The following SLC26A4 variants were observed in gnomAD, a reference collection of about 807,000 sequenced individuals.
SLC26A4 encodes the protein solute carrier family 26 member 4, also known as pendrin.
Under a neutral mutation model 90.4 loss-of-function variants are expected in SLC26A4, and 93 were observed. The ratio of observed to expected loss-of-function variants is 1.03; its 90% CI spans 0.87 to 1.22. The LOEUF (loss-of-function observed/expected upper bound fraction) is 1.22, where lower values mean the gene tolerates loss of function less well. Among genes scored for constraint, SLC26A4 ranks in the 50% most tolerant of loss-of-function variants. The pLI, the probability that SLC26A4 is intolerant of heterozygous loss-of-function variation, is 0.00. For synonymous variants in SLC26A4, 393 were observed against 354.6 expected (o/e 1.11, Z -1.22); for missense variants, 1,127 against 946.2 (o/e 1.19, Z -2.51).
rs1222179252 is a variant in SLC26A4, at chr7:107,661,761, G to A, written c.120G>A (p.Leu40=). 3 of 1,543,922 alleles carry A rather than the reference G, an allele frequency of 1.9e-6. No individual in the cohort carries two copies. The highest frequency in any genetic ancestry group is 2.6e-6 in the Non-Finnish European group (3 of 1,148,480). The stretch of plus-strand genomic sequence containing the variant: ...TCCAGCAACAGCACGAGCGGCGCCT[G>A]CAGGAGCGCAAGACGCTGCGGGAGA... ...LAFQQQHERR[L]QERKTLRESL... Residue 40 remains leucine (L), a synonymous_variant, in exon 2 of 21, where the codon CTG becomes CTA. Coordinates refer to ENST00000644269, the MANE Select transcript of SLC26A4 (RefSeq NM_000441.2). This position sits in a 1 kb window ranked among gnomAD's most constrained non-coding sequence, Gnocchi z 5.1.
At chr7:107,691,843 A>G (rs2129316366) in intron 10 of SLC26A4, 1 of 1,153,052 alleles carries the variant, frequency 8.7e-7, no homozygotes, top group Non-Finnish European at 1.1e-6. Context: ...ATCCGGAGGC[A>G]TAGCCAGAGA....
chr7:107,680,150 T>C (rs1791173494), intron 6 of SLC26A4, among the ~76,000 whole-genome samples: 2 of 124,360 alleles, frequency 1.6e-5, no homozygotes, highest in South Asian at 4.7e-4. Context: ...TAATCTTATC[T>C]TATTATATAA....
chr7:107,702,681 T>C (rs1791929220), intron 17 of SLC26A4, among the ~76,000 whole-genome samples: 1 of 100,898 alleles, frequency 9.9e-6, no homozygotes, highest in Non-Finnish European at 1.9e-5. Context: ...TGAGACTTCA[T>C]CTCAAAAAAA....
In SLC26A4 at chr7:107,701,145, G is replaced by T. The variant is rs771015634; in HGVS notation, c.1752G>T (p.Ala584=). The change falls in exon 16 of 21, where the codon GCG becomes GCT. Residue 584 remains alanine, a synonymous_variant. Transcript: ENST00000644269. ...AIRVYNKRLK[A]LRKIQKLIKS... Reference sequence around the variant, plus strand: ...GAGTATATAATAAGAGGCTGAAAGCGCTGAGGAAAATACAGAAACTAATAA... The same window carrying T: ...GAGTATATAATAAGAGGCTGAAAGCTCTGAGGAAAATACAGAAACTAATAA... The T allele has an allele frequency of 2.5e-6, 4 of 1,611,486 alleles. No individual in the cohort carries two copies. Among genetic ancestry groups the T allele is most frequent in the Non-Finnish European group, 3.4e-6 (4 of 1,177,716 alleles).
Position 107,692,033 on chromosome 7 carries a change from T to C in SLC26A4, c.1263+1796T>C, listed in dbSNP as rs1445106229. 1.1e-5 allele frequency: 14 copies of C among 1,289,206 alleles called. No individual in the cohort carries two copies. In the Admixed American group the frequency reaches 3.0e-4, roughly 27 times the overall value. 79.9% of individuals were successfully genotyped at this position (1,289,206 alleles called of 1,614,324 possible). On this transcript the variant is annotated intron_variant, in intron 10 of 20. Transcript: ENST00000644269. ...CTCAAACTGCTGATGTCCATTCTCCTGATGTTACCTCCAGGCTCAAATGAG... is the reference window on the plus strand; with the variant it reads ...CTCAAACTGCTGATGTCCATTCTCCCGATGTTACCTCCAGGCTCAAATGAG...
At chr7:107,674,037 C>G in intron 4 of SLC26A4, 127 bp from the exon 5 acceptor site, 1 of 1,013,352 alleles carries the variant, frequency 9.9e-7, no homozygotes. Context: ...GGCTCAGCTT[C>G]TTTCGTGAAC....
chr7:107,680,331 CTTATTATATAATGTTATA>C (rs1791192545), intron 6 of SLC26A4, among the ~76,000 whole-genome samples: 1 of 125,814 alleles, frequency 7.9e-6, no homozygotes, highest in South Asian at 2.4e-4. Flanking sequence ...ATAATCTTAT[CTTATTATATAATGTTATA>C]TTATTATATA....
At chr7:107,679,934 TATATAATCTTATCTTATATA>T (rs1225053974) in intron 6 of SLC26A4, among the ~76,000 whole-genome samples, 3 of 139,630 alleles carry the variant, frequency 2.1e-5, no homozygotes, top group Non-Finnish European at 4.6e-5. Flanking sequence ...ATAATCTTAT[TATATAATCTTATCTTATATA>T]ATATAATCTT....
In SLC26A4 at chr7:107,672,190, T is replaced by C. The variant is rs2129311251; in HGVS notation, c.357T>C (p.Ser119=). ...TTCCTGTCGGATATGGTCTCTACTC[T>C]GCTTTTTTCCCTATCCTGACATACT... ...AAVPVGYGLY[S]AFFPILTYFI... The change falls in exon 4 of 21, where the codon TCT becomes TCC. Residue 119 remains serine (S), a synonymous_variant. Transcript: ENST00000644269. The C allele has an allele frequency of 6.2e-7, 1 of 1,613,338 alleles. No homozygotes were observed.
At chr7:107,700,039 A>C (rs1372863403) in intron 14 of SLC26A4, 44 bp from the exon 15 acceptor site, 2 of 1,112,982 alleles carry the variant, frequency 1.8e-6, no homozygotes, top group Non-Finnish European at 2.8e-6. Context: ...TAAATACTTG[A>C]GGCTTGAAAT....
At chr7:107,672,476 T>C (rs1223434796) in intron 4 of SLC26A4, among the ~76,000 whole-genome samples, 1 of 151,720 alleles carries the variant, frequency 6.6e-6, no homozygotes, top group Non-Finnish European at 1.5e-5. Flanking sequence ...TATTCACTGA[T>C]GTTAGGTAAC....
Position 107,704,382 on chromosome 7 carries a change from C to T in SLC26A4, c.2086C>T (p.Gln696Ter), listed in dbSNP as rs752807925. The T allele has an allele frequency of 3.1e-6, 4 of 1,289,272 alleles. No homozygotes were observed. The East Asian group carries it at 6.9e-5, about 22-fold the overall frequency. 79.9% of individuals were successfully genotyped at this position (1,289,272 alleles called of 1,614,324 possible). A position where few individuals can be genotyped will look rare whatever the true frequency, so the allele number is the denominator to read the frequency against. ...IDVNVYFASLQDYVIEKLEQC... is the reference protein window; with the variant it reads ...IDVNVYFASL ...TGTGAATGTGTATTTTGCATCACTT[C>T]AAGGTAAATACATATATCTACATAT... The change falls in exon 18 of 21, where the codon CAA becomes TAA. Residue 696 changes from glutamine (Q) to a stop codon, truncating the protein, a stop_gained. Transcript: ENST00000644269. LOFTEE classifies it high-confidence loss of function.
chr7:107,715,001 G>C (rs1020195291), intron 20 of SLC26A4, among the ~76,000 whole-genome samples: 5 of 150,274 alleles, frequency 3.3e-5, no homozygotes, highest in Admixed American at 2.7e-4. Context: ...GAGGCAGGGG[G>C]ATCACTTGAG....
At chr7:107,708,047 G>A (rs1299737788) in intron 18 of SLC26A4, among the ~76,000 whole-genome samples, 1 of 152,222 alleles carries the variant, frequency 6.6e-6, no homozygotes, top group Non-Finnish European at 1.5e-5. Context: ...TTACCTGGAA[G>A]AGAAAATCCT....
intron 15 of SLC26A4, among the ~76,000 whole-genome samples, chr7:107,700,544 C>T (rs1267842601): frequency 6.6e-6 from 1 of 152,168 alleles, no homozygotes; most frequent in Non-Finnish European, 1.5e-5. Flanking sequence ...GGAAAGAAAT[C>T]ATGTCAAGTG....
intron 15 of SLC26A4, 38 bp from the exon 16 acceptor site, chr7:107,701,063 G>A (rs1391624767): frequency 8.1e-7 from 1 of 1,233,628 alleles, no homozygotes; most frequent in South Asian, 1.2e-5. Flanking sequence ...AGCTTTAGGT[G>A]CCAGGCATTT....
chr7:107,707,263 TA>T (rs1792058980), intron 18 of SLC26A4, among the ~76,000 whole-genome samples: 1 of 152,192 alleles, frequency 6.6e-6, no homozygotes, highest in African/African-American at 2.4e-5. Context: ...AAAAAAGCCA[TA>T]AAACCTGTAA....
At position 107,715,797 on chromosome 7, in the gene SLC26A4, G is replaced by A. The variant is rs957299935; in HGVS notation, c.*351G>A. 6.6e-5 allele frequency: 21 copies of A among 316,978 alleles called. No individual in the cohort carries two copies. The highest frequency in any genetic ancestry group is 1.5e-4 in the African/African-American group (7 of 48,174). 19.6% of individuals were successfully genotyped at this position (316,978 alleles called of 1,614,324 possible). A position where few individuals can be genotyped will look rare whatever the true frequency, so the allele number is the denominator to read the frequency against. Reference sequence around the variant, plus strand: ...CAGCCTCTGTGGTCAAGCGAGTCACGAATGATTAATCATAAAGAAAAATCA... The same window carrying A: ...CAGCCTCTGTGGTCAAGCGAGTCACAAATGATTAATCATAAAGAAAAATCA... On this transcript the variant is annotated 3_prime_UTR_variant, in exon 21 of 21. Coordinates refer to ENST00000644269, the MANE Select transcript of SLC26A4 (RefSeq NM_000441.2).
intron 13 of SLC26A4, 120 bp downstream of exon 13, chr7:107,696,159 G>T: frequency 2.6e-6 from 2 of 758,124 alleles, no homozygotes; most frequent in Admixed American, 1.8e-5. Context: ...TATATTGAGT[G>T]CTTCTATGCA....
Sources: gnomAD v4.1 joint callset for allele counts (sites outside exome capture counted in the v4.1 genomes callset) on GRCh38, gnomAD v4.1.1 for gene constraint, Gnocchi (gnomAD v3.1) non-coding constraint, MANE v1.5 for transcripts, NCBI Gene and HGNC (gene_info 2026-07-23, HGNC 2026-07-21) for gene names.